EBF3: variants seen among roughly 807,000 people sequenced by gnomAD.
EBF3 encodes the protein EBF transcription factor 3, also known as transcription factor COE3.
EBF3 carries 18 observed loss-of-function variants against 77.1 expected under a neutral mutation model. The ratio of observed to expected loss-of-function variants is 0.23; its 90% CI spans 0.16 to 0.35. The LOEUF is 0.35. EBF3 is among the 10% of genes least tolerant of loss of function. EBF3 has a pLI of 1.00. For missense variants in EBF3, 558 were observed against 860.0 expected (o/e 0.65, Z 4.39); for synonymous variants, 350 against 343.5 (o/e 1.02, Z -0.21).
chr10:129,876,207 G>T (rs1852760302), intron 7 of EBF3, among the ~76,000 whole-genome samples: 1 of 152,188 alleles, frequency 6.6e-6, no homozygotes, highest in Admixed American at 6.5e-5. Flanking sequence ...TATTGTGTAA[G>T]CACTGCCATC....
At chr10:129,927,680 C>T (rs1338478037) in intron 6 of EBF3, among the ~76,000 whole-genome samples, 1 of 152,196 alleles carries the variant, frequency 6.6e-6, no homozygotes, top group Non-Finnish European at 1.5e-5. Context: ...CGTCTTCTTC[C>T]TTTCGGCCCT....
chr10:129,849,812 C>T (rs1342505877), intron 10 of EBF3, among the ~76,000 whole-genome samples: 1 of 152,162 alleles, frequency 6.6e-6, no homozygotes, highest in African/African-American at 2.4e-5. Context: ...GGGATTTTGC[C>T]CTCTTTTTTC....
Position 129,842,070 on chromosome 10 carries a change from C to T in EBF3, c.1372+46G>A. ...TCTTCAGCTAAGGCCTCAACCAACC[C>T]TCGGAGGGCGTTCAGGGCAGGGGTC... On this transcript the variant is annotated intron_variant, in intron 13 of 16. Coordinates refer to ENST00000440978, the MANE Select transcript of EBF3 (RefSeq NM_001375380.1). This position sits in a 1 kb window ranked among gnomAD's most constrained non-coding sequence, Gnocchi z 4.4. The T allele has an allele frequency of 6.2e-7, 1 of 1,612,778 alleles. No homozygotes were observed. The highest frequency in any genetic ancestry group is 8.5e-7 in the Non-Finnish European group (1 of 1,179,336).
rs986610716 is a variant in EBF3 at position 129,863,490 on chromosome 10, G to C, written c.1039+3651C>G. On this transcript the variant is annotated intron_variant, in intron 10 of 16. Coordinates refer to ENST00000440978, the MANE Select transcript of EBF3 (RefSeq NM_001375380.1). This position sits in a 1 kb window ranked among gnomAD's most constrained non-coding sequence, Gnocchi z 4.0. Reference sequence around the variant, plus strand: ...ACAGATCATTGAGGCCCTTTGCAAAGCCCCTCCCAGCCTCTGGCGGGCGGC... The same window carrying C: ...ACAGATCATTGAGGCCCTTTGCAAACCCCCTCCCAGCCTCTGGCGGGCGGC... Among the ~76,000 whole-genome samples, 1 of 152,306 alleles carries C rather than the reference G, an allele frequency of 6.6e-6. No homozygotes were observed. The highest frequency in any genetic ancestry group is 6.5e-5 in the Admixed American group (1 of 15,304).
intron 6 of EBF3, among the ~76,000 whole-genome samples, chr10:129,949,955 C>T (rs1231957533): frequency 6.7e-6 from 1 of 149,816 alleles, no homozygotes; most frequent in Non-Finnish European, 1.5e-5. Flanking sequence ...CTGCCCCCAA[C>T]TGCTTTCTGC....
intron 6 of EBF3, among the ~76,000 whole-genome samples, chr10:129,905,318 T>G (rs1855065238): frequency 6.6e-6 from 1 of 152,224 alleles, no homozygotes; most frequent in African/African-American, 2.4e-5. Context: ...ATTCCCAAAC[T>G]TAGTGAACAA....
At chr10:129,869,302 C>T (rs1852245348) in intron 8 of EBF3, among the ~76,000 whole-genome samples, 1 of 152,172 alleles carries the variant, frequency 6.6e-6, no homozygotes, top group South Asian at 2.1e-4. Flanking sequence ...TGGTGCCCTT[C>T]CGTCGCTCAC....
At chr10:129,873,642 C>G (rs1396962024) in intron 7 of EBF3, 46 bp from the exon 8 acceptor site, 2 of 1,456,410 alleles carry the variant, frequency 1.4e-6, no homozygotes, top group African/African-American at 2.9e-5. Context: ...CAAAGAAAAG[C>G]AGAGCCCCCT....
chr10:129,910,233 T>C (rs1217320871), intron 6 of EBF3, among the ~76,000 whole-genome samples: 1 of 152,218 alleles, frequency 6.6e-6, no homozygotes, highest in Non-Finnish European at 1.5e-5. Context: ...TTACTTGACA[T>C]GTGTCCTGTA....
rs950043862 is a variant in EBF3, at chr10:129,955,062, A to AT, written c.554+2195dup. Among the ~76,000 whole-genome samples the AT allele has an allele frequency of 3.3e-5, 5 of 152,010 alleles. No homozygotes were observed. In the South Asian group the frequency reaches 6.2e-4, roughly 19 times the overall value. Reference sequence around the variant, plus strand: ...TGCCCTAGTGAACACTAAATTCTTCATTTTTTTCACGTAGAAATATGCCGT... The same window carrying AT: ...TGCCCTAGTGAACACTAAATTCTTCATTTTTTTTCACGTAGAAATATGCCGT... On this transcript the variant is annotated intron_variant, in intron 6 of 16. Transcript: ENST00000440978.
At chr10:129,874,736 C>A (rs1852633879) in intron 7 of EBF3, among the ~76,000 whole-genome samples, 1 of 152,086 alleles carries the variant, frequency 6.6e-6, no homozygotes, top group South Asian at 2.1e-4. Context: ...GGTGGTTGCA[C>A]GTGAGTGGAG....
chr10:129,883,645 C>A (rs1191226148), intron 6 of EBF3, among the ~76,000 whole-genome samples: 1 of 151,632 alleles, frequency 6.6e-6, no homozygotes, highest in Admixed American at 6.6e-5. Context: ...CCCATGTTTT[C>A]AGTTACTACT....
At chr10:129,934,495 C>A (rs1334712371) in intron 6 of EBF3, among the ~76,000 whole-genome samples, 3 of 152,190 alleles carry the variant, frequency 2.0e-5, no homozygotes, top group African/African-American at 7.2e-5. Context: ...CCGGGTGGCT[C>A]CCCCAGGTCC....
intron 6 of EBF3, among the ~76,000 whole-genome samples, chr10:129,896,288 C>A (rs903073530): frequency 6.6e-6 from 1 of 152,254 alleles, no homozygotes; most frequent in African/African-American, 2.4e-5. Context: ...GTGGTCATAG[C>A]AGCCACCATG....
chr10:129,949,610 A>G (rs896695987), intron 6 of EBF3, among the ~76,000 whole-genome samples: 1 of 152,150 alleles, frequency 6.6e-6, no homozygotes, highest in African/African-American at 2.4e-5. Flanking sequence ...CTGCCTGCCC[A>G]TGCCCATAAT....
chr10:129,900,870 T>A (rs111911793), intron 6 of EBF3, among the ~76,000 whole-genome samples: 1 of 152,180 alleles, frequency 6.6e-6, no homozygotes, highest in African/African-American at 2.4e-5. Context: ...ACTGAGTTCA[T>A]GAAGGTCCCA....
chr10:129,957,401 T>TC (rs1859123547), intron 5 of EBF3, 75 bp from the exon 6 acceptor site: 1 of 1,262,880 alleles, frequency 7.9e-7, no homozygotes, highest in Non-Finnish European at 1.1e-6. Context: ...TTTTTTTTTT[T>TC]CTGACGTCTG....
At position 129,896,881 on chromosome 10, in the gene EBF3, C is replaced by T. The variant is rs938623261; in HGVS notation, c.555-19032G>A. On this transcript the variant is annotated intron_variant, in intron 6 of 16. Transcript: ENST00000440978. ...TTAAATACTGAGCAGAGGCTCAAACCGAGAGAGAAGCCTGCCCACGCCGCC... is the reference window on the plus strand; with the variant it reads ...TTAAATACTGAGCAGAGGCTCAAACTGAGAGAGAAGCCTGCCCACGCCGCC... 7.2e-5 allele frequency among the ~76,000 whole-genome samples: 11 copies of T among 152,294 alleles called. No homozygotes were observed. In the South Asian group the frequency reaches 1.0e-3, roughly 14 times the overall value.
At chr10:129,860,245 G>A (rs948774540) in intron 10 of EBF3, among the ~76,000 whole-genome samples, 5 of 151,894 alleles carry the variant, frequency 3.3e-5, no homozygotes, top group South Asian at 4.2e-4. Flanking sequence ...CTCTACCCCC[G>A]ACTCTCCTCC....
Sources: allele counts gnomAD v4.1 joint callset (sites outside exome capture counted in the v4.1 genomes callset), GRCh38; gene constraint gnomAD v4.1.1; non-coding constraint Gnocchi (gnomAD v3.1); transcripts MANE v1.5; gene names NCBI Gene and HGNC (gene_info 2026-07-23, HGNC 2026-07-21).